Variants in AKAP6 observed in about 807,000 individuals in gnomAD.
AKAP6 encodes the protein A-kinase anchor protein 6.
AKAP6 carries 58 observed loss-of-function variants against 188.5 expected under a neutral mutation model. The ratio of observed to expected loss-of-function variants is 0.31; its 90% confidence interval spans 0.25 to 0.38. AKAP6 has a LOEUF of 0.38. AKAP6 is among the 10% of genes least tolerant of loss of function. The pLI is 1.00. For synonymous variants in AKAP6, 989 were observed against 998.6 expected, an observed-to-expected ratio of 0.99 and a Z score of 0.18; for missense variants, 2,710 against 2,740.0, an observed-to-expected ratio of 0.99 and a Z score of 0.24.
chr14:32,385,968 ATATAT>A lies in AKAP6; in HGVS notation c.-34-47486_-34-47482del, dbSNP rs536666952. On this transcript the variant is annotated intron_variant, in intron 1 of 13. Transcript: ENST00000280979. ...ATACATATATTCATATATACAGTTC[ATATAT>A]TATATATAATACATATATTCATCAT... is the stretch of plus-strand genomic sequence containing the variant. Among the ~76,000 whole-genome samples, 1,176 of 146,380 alleles carry A rather than the reference ATATAT, an allele frequency of 8.0e-3. 5 individuals carry two copies. The highest frequency in any genetic ancestry group is 0.018 in the Middle Eastern group (5 of 278).
intron 4 of AKAP6, among the ~76,000 whole-genome samples, chr14:32,575,586 G>T (rs977399640): frequency 6.6e-5 from 10 of 152,042 alleles, no homozygotes; most frequent in Non-Finnish European, 8.8e-5. Context: ...TCTCTAAGAT[G>T]ATATTTCTCA....
chr14:32,329,699 A>T (rs770628589), intron 1 of AKAP6, among the ~76,000 whole-genome samples: 12 of 152,170 alleles, frequency 7.9e-5, no homozygotes, highest in African/African-American at 2.9e-4. Flanking sequence ...AAAACCCCAG[A>T]TAAGCTTTAA....
chr14:32,510,524 T>G (rs2139021712), intron 2 of AKAP6, among the ~76,000 whole-genome samples: 1 of 142,116 alleles, frequency 7.0e-6, no homozygotes, highest in East Asian at 2.1e-4. Flanking sequence ...ACCTACAATC[T>G]TATTCCCTGG....
intron 7 of AKAP6, among the ~76,000 whole-genome samples, chr14:32,656,419 T>G (rs146810936): frequency 1.1e-3 from 167 of 152,266 alleles, no homozygotes; most frequent in Middle Eastern, 6.8e-3. Flanking sequence ...TAGAAGACAG[T>G]GGTTTCTCTC....
At chr14:32,767,627 T>C (rs1227132518) in intron 11 of AKAP6, among the ~76,000 whole-genome samples, 1 of 152,122 alleles carries the variant, frequency 6.6e-6, no homozygotes, top group Non-Finnish European at 1.5e-5. Context: ...TGTTTTAAAA[T>C]GTTACAAAAA....
chr14:32,758,959 G>C (rs181953854), intron 11 of AKAP6, among the ~76,000 whole-genome samples: 56 of 152,200 alleles, frequency 3.7e-4, no homozygotes, highest in African/African-American at 1.3e-3. Context: ...ACTCAGCATA[G>C]AGTTTGCTAA....
At chr14:32,610,995 G>A (rs1886326465) in intron 7 of AKAP6, among the ~76,000 whole-genome samples, 1 of 152,110 alleles carries the variant, frequency 6.6e-6, no homozygotes, top group African/African-American at 2.4e-5. Context: ...GGATGAAAGA[G>A]GAAGAACTGA....
At position 32,545,833 on chromosome 14, in the gene AKAP6, C is replaced by A; in HGVS notation, c.1180C>A (p.Leu394Ile). Reference sequence around the variant, plus strand: ...GCAGCCTACATTGCCAAAAAGAGGACTTTTTCTTAAAGAGGAAACTTTTAA... The same window carrying A: ...GCAGCCTACATTGCCAAAAAGAGGAATTTTTCTTAAAGAGGAAACTTTTAA... Reference protein sequence around the residue: ...PTQPTLPKRGLFLKEETFKND... With the variant: ...PTQPTLPKRGIFLKEETFKND... The change falls in exon 4 of 14, where the codon CTT becomes ATT. Residue 394 changes from leucine (L) to isoleucine (I), a missense_variant. By Grantham distance (5) the Leu-to-Ile change is conservative. Transcript: ENST00000280979. 4 of 1,614,136 alleles carry A rather than the reference C, an allele frequency of 2.5e-6. No individual in the cohort carries two copies. Among genetic ancestry groups the A allele is most frequent in the Non-Finnish European group, 3.4e-6 (4 of 1,180,004 alleles).
At chr14:32,678,209 T>C (rs1429722750) in intron 7 of AKAP6, 102 bp from the exon 8 acceptor site, 4 of 1,261,644 alleles carry the variant, frequency 3.2e-6, no homozygotes, top group Non-Finnish European at 4.4e-6. Context: ...AAAGGAGCAC[T>C]ATAATGATGT....
At chr14:32,624,542 A>C (rs774726164) in intron 7 of AKAP6, among the ~76,000 whole-genome samples, 1 of 152,170 alleles carries the variant, frequency 6.6e-6, no homozygotes, top group African/African-American at 2.4e-5. Context: ...TTCTTCTGGA[A>C]TCTTATTTCA....
intron 12 of AKAP6, among the ~76,000 whole-genome samples, chr14:32,818,118 A>G (rs2034434101): frequency 3.3e-5 from 5 of 152,138 alleles, no homozygotes; most frequent in Non-Finnish European, 7.4e-5. Context: ...TTTAATATGA[A>G]AAAATTTAAA....
At chr14:32,795,965 G>T (rs907926554) in intron 12 of AKAP6, among the ~76,000 whole-genome samples, 1 of 152,100 alleles carries the variant, frequency 6.6e-6, no homozygotes, top group Non-Finnish European at 1.5e-5. Context: ...TGCAAAAATT[G>T]CTAGCATTTC....
intron 8 of AKAP6, among the ~76,000 whole-genome samples, chr14:32,682,334 G>A (rs967503041): frequency 2.0e-5 from 3 of 152,232 alleles, no homozygotes; most frequent in African/African-American, 7.2e-5. Context: ...TCTGTGCAGT[G>A]AGAGAGAAGG....
intron 11 of AKAP6, among the ~76,000 whole-genome samples, chr14:32,760,386 T>A (rs755891166): frequency 7.9e-5 from 12 of 152,212 alleles, no homozygotes; most frequent in Non-Finnish European, 1.3e-4. Context: ...AAAGGATCAA[T>A]GCATTTTAGA....
At chr14:32,722,874 G>C (rs951115163) in intron 9 of AKAP6, among the ~76,000 whole-genome samples, 7 of 152,144 alleles carry the variant, frequency 4.6e-5, no homozygotes, top group Non-Finnish European at 8.8e-5. Context: ...ACCCAAAAAG[G>C]CTATCAAGCT....
intron 4 of AKAP6, among the ~76,000 whole-genome samples, chr14:32,567,042 CT>C (rs1594749028): frequency 6.6e-6 from 1 of 152,284 alleles, no homozygotes; most frequent in East Asian, 1.9e-4. Context: ...CCCACCTCAG[CT>C]TCCAGAGTAG....
intron 7 of AKAP6, among the ~76,000 whole-genome samples, chr14:32,613,955 A>G (rs1430421614): frequency 2.0e-5 from 3 of 152,206 alleles, no homozygotes; most frequent in Non-Finnish European, 2.9e-5. Context: ...ATCATCAAAT[A>G]GTGCTGCTAC....
intron 1 of AKAP6, among the ~76,000 whole-genome samples, chr14:32,336,510 A>G (rs541459447): frequency 2.0e-5 from 3 of 152,318 alleles, no homozygotes; most frequent in African/African-American, 7.2e-5. Context: ...AACGATGACT[A>G]TAGGCACACA....
chr14:32,796,045 G>A (rs537156495), intron 12 of AKAP6, among the ~76,000 whole-genome samples: 1 of 152,068 alleles, frequency 6.6e-6, no homozygotes, highest in South Asian at 2.1e-4. Context: ...GCTACAAAAA[G>A]TATAAAATAT....
Sources: allele counts gnomAD v4.1 joint callset (sites outside exome capture counted in the v4.1 genomes callset), GRCh38; gene constraint gnomAD v4.1.1; transcripts MANE v1.5; gene names NCBI Gene and HGNC (gene_info 2026-07-23, HGNC 2026-07-21).